Variants in SNX8 observed in about 807,000 individuals in gnomAD.
SNX8 encodes sorting nexin 8.
In SNX8, 25 loss-of-function variants were observed where a neutral mutation model predicts 51.6. The observed-to-expected ratio is 0.48, with a 90% confidence interval of 0.35 to 0.68. The LOEUF (loss-of-function observed/expected upper bound fraction) is 0.68. SNX8 is among the 30% of genes least tolerant of loss of function. The pLI, the probability that SNX8 is intolerant of heterozygous loss-of-function variation, is 0.00. For missense variants in SNX8, 695 were observed against 624.0 expected, an observed-to-expected ratio of 1.11 and a Z score of -1.21; for synonymous variants, 324 against 277.0, an observed-to-expected ratio of 1.17 and a Z score of -1.68.
Position 2,324,023 on chromosome 7 carries a change from G to C in SNX8, c.-66+30199C>G, listed in dbSNP as rs140869225. Reference sequence around the variant, plus strand: ...TAGTCCCAGCTACTTGGGAGGCTGAGGCAGGATAATCGCTTGAACCTGGGA... The same window carrying C: ...TAGTCCCAGCTACTTGGGAGGCTGACGCAGGATAATCGCTTGAACCTGGGA... On this transcript the variant is annotated intron_variant, in intron 1 of 5. Transcript: ENST00000435336. Among the ~76,000 whole-genome samples the C allele has an allele frequency of 9.2e-3, 1,398 of 152,074 alleles. 18 individuals are homozygous for C. The highest frequency in any genetic ancestry group is 0.032 in the African/African-American group (1,317 of 41,502).
intron 1 of SNX8, among the ~76,000 whole-genome samples, chr7:2,327,157 G>A (rs1463620759): frequency 2.0e-5 from 3 of 151,964 alleles, no homozygotes; most frequent in Admixed American, 6.6e-5. Context: ...TTGTGAACAC[G>A]TCACCTCAGT....
intron 1 of SNX8, among the ~76,000 whole-genome samples, chr7:2,300,936 C>A (rs1796376229): frequency 6.6e-6 from 1 of 152,150 alleles, no homozygotes; most frequent in African/African-American, 2.4e-5. Flanking sequence ...AGTCACTGTG[C>A]CCAGCCCCTG....
In SNX8 at chr7:2,252,244, G is replaced by GT. The variant is rs1795052255; in HGVS notation, c.*2811dup. On this transcript the variant is annotated 3_prime_UTR_variant, in exon 11 of 11. Coordinates refer to ENST00000222990, the MANE Select transcript of SNX8 (RefSeq NM_013321.4). ...CTGTCCCTGCCAGCTAGGCAAGGCC[G>GT]TAATGACCGGCACAAGCTTGGGCTT... 6.6e-6 allele frequency: 1 copy of GT among 152,294 alleles called. No individual in the cohort carries two copies. The highest frequency in any genetic ancestry group is 1.5e-5 in the Non-Finnish European group (1 of 68,096). The allele number at this position is 152,294 out of a possible 1,614,324, so 9.4% of individuals were successfully genotyped here.
Position 2,254,904 on chromosome 7 carries a change from TC to T in SNX8, c.*151del. On this transcript the variant is annotated 3_prime_UTR_variant, in exon 11 of 11. Transcript: ENST00000222990. ...TGCCCCCATGGTCCACGGATGCGCC[TC>T]CCGACCCGCAGGCGTGAGCTCCTCT... 1.5e-6 allele frequency: 1 copy of T among 653,562 alleles called. No homozygotes were observed. Among genetic ancestry groups the T allele is most frequent in the Non-Finnish European group, 2.8e-6 (1 of 360,852 alleles). The allele number at this position is 653,562 out of a possible 1,614,324, so 40.5% of individuals were successfully genotyped here.
intron 1 of SNX8, among the ~76,000 whole-genome samples, chr7:2,302,191 G>A (rs959518875): frequency 1.3e-5 from 2 of 152,172 alleles, no homozygotes; most frequent in South Asian, 2.1e-4. Context: ...TCGGCTCACT[G>A]CAACCTCCCT....
rs2115079996 is a variant in SNX8 at position 2,253,853 on chromosome 7, T to C, written c.*1203A>G. On this transcript the variant is annotated 3_prime_UTR_variant, in exon 11 of 11. Coordinates refer to ENST00000222990, the MANE Select transcript of SNX8 (RefSeq NM_013321.4). Reference sequence around the variant, plus strand: ...TGAACGCCCCAGAGGCCAGTGAGCATCTGCGGAGCGGAGGGACCTCGGAAA... The same window carrying C: ...TGAACGCCCCAGAGGCCAGTGAGCACCTGCGGAGCGGAGGGACCTCGGAAA... The C allele has an allele frequency of 6.6e-6, 1 of 152,198 alleles. No individual in the cohort carries two copies. The highest frequency in any genetic ancestry group is 1.9e-4 in the East Asian group (1 of 5,182). 9.4% of individuals were successfully genotyped at this position (152,198 alleles called of 1,614,324 possible).
At chr7:2,288,594 T>A (rs1052005904) in intron 1 of SNX8, among the ~76,000 whole-genome samples, 1 of 152,092 alleles carries the variant, frequency 6.6e-6, no homozygotes, top group Non-Finnish European at 1.5e-5. Context: ...CCCAGTGAGT[T>A]TTCTACATGA....
chr7:2,346,884 T>C (rs533237531), intron 1 of SNX8, among the ~76,000 whole-genome samples: 1 of 132,616 alleles, frequency 7.5e-6, no homozygotes, highest in Non-Finnish European at 1.5e-5. Flanking sequence ...CACACCACTG[T>C]ACGCCAGCCT....
chr7:2,338,557 C>T (rs185756127), intron 1 of SNX8, among the ~76,000 whole-genome samples: 2 of 152,136 alleles, frequency 1.3e-5, no homozygotes, highest in South Asian at 2.1e-4. Flanking sequence ...TTGCTTGAAC[C>T]CGGGAGGCTG....
chr7:2,336,323 C>T (rs1425330885), intron 1 of SNX8, among the ~76,000 whole-genome samples: 3 of 152,042 alleles, frequency 2.0e-5, no homozygotes, highest in Non-Finnish European at 2.9e-5. Context: ...ATCGCTTGAA[C>T]TGGGTGGCGG....
In SNX8 at chr7:2,271,898, C is replaced by A; in HGVS notation, c.492G>T (p.Leu164=). Residue 164 remains leucine, a synonymous_variant, in exon 4 of 11, where the codon CTG becomes CTT. Transcript: ENST00000222990. ...RFVNLVARHP[L]FSEDVVLKLF... ...GCTTGAGGACCACATCCTCGGAGAA[C>A]AGGGGGTGTCGCGCCACCAGGTTGA... is the stretch of plus-strand genomic sequence containing the variant. The A allele has an allele frequency of 6.2e-7, 1 of 1,613,836 alleles. No homozygotes were observed. Among genetic ancestry groups the A allele is most frequent in the Non-Finnish European group, 8.5e-7 (1 of 1,179,930 alleles).
At chr7:2,314,296 C>T (rs892077030) in intron 1 of SNX8, 32 bp downstream of exon 1, 5 of 1,218,812 alleles carry the variant, frequency 4.1e-6, no homozygotes, top group Non-Finnish European at 5.1e-6. Flanking sequence ...GCGCCCTGGG[C>T]AGGTGGGGGC....
At chr7:2,323,384 T>A (rs902340545) in intron 1 of SNX8, among the ~76,000 whole-genome samples, 1 of 147,124 alleles carries the variant, frequency 6.8e-6, no homozygotes, top group Non-Finnish European at 1.5e-5. Flanking sequence ...TAATGGGTAA[T>A]GCATTGTTTA....
At chr7:2,302,151 G>A (rs1003227904) in intron 1 of SNX8, among the ~76,000 whole-genome samples, 4 of 152,116 alleles carry the variant, frequency 2.6e-5, no homozygotes, top group Non-Finnish European at 5.9e-5. Context: ...CTCTGATGCC[G>A]AGCCGAAGCT....
chr7:2,272,467 C>T (rs1036420784), intron 3 of SNX8, among the ~76,000 whole-genome samples: 6 of 151,838 alleles, frequency 4.0e-5, no homozygotes, highest in African/African-American at 1.5e-4. Flanking sequence ...CTCCGCCTTC[C>T]AGGTTCAAGC....
chr7:2,280,895 C>T (rs983039303), intron 1 of SNX8, among the ~76,000 whole-genome samples: 1 of 151,112 alleles, frequency 6.6e-6, no homozygotes, highest in African/African-American at 2.4e-5. Context: ...CGGGTTCAAG[C>T]AATTCTGCTG....
intron 1 of SNX8, among the ~76,000 whole-genome samples, chr7:2,338,495 C>T (rs911942367): frequency 6.7e-6 from 1 of 148,878 alleles, no homozygotes; most frequent in African/African-American, 2.5e-5. Context: ...AATTGGCGGG[C>T]GTGGTGGCGC....
chr7:2,353,997 C>A (rs2398661), intron 1 of SNX8: 72,100 of 152,200 alleles, frequency 0.47, 17,701 homozygotes, highest in East Asian at 0.57. Flanking sequence ...CAATGCCCGT[C>A]CCGTGAGCAC....
At chr7:2,276,737 G>T (rs1795789564) in intron 2 of SNX8, among the ~76,000 whole-genome samples, 1 of 152,082 alleles carries the variant, frequency 6.6e-6, no homozygotes, top group East Asian at 1.9e-4. Context: ...TTGAGCCCAG[G>T]AGCTCAAGAC....
Sources: allele counts gnomAD v4.1 joint callset (sites outside exome capture counted in the v4.1 genomes callset), GRCh38; gene constraint gnomAD v4.1.1; transcripts MANE v1.5; gene names NCBI Gene and HGNC (gene_info 2026-07-23, HGNC 2026-07-21).